Variants in PDS5B observed in about 807,000 individuals in gnomAD.
The protein encoded by PDS5B is sister chromatid cohesion protein PDS5 homolog B.
PDS5B carries 51 observed loss-of-function variants against 184.1 expected under a neutral mutation model. The ratio of observed to expected loss-of-function variants is 0.28; its 90% CI spans 0.22 to 0.35. PDS5B has a LOEUF of 0.35. Ranked by LOEUF, PDS5B falls within the 10% of genes least tolerant of loss-of-function variation. The pLI is 1.00. For synonymous variants in PDS5B, 566 were observed against 569.2 expected, an observed-to-expected ratio of 0.99 and a Z score of 0.08; for missense variants, 1,180 against 1,723.3, an observed-to-expected ratio of 0.68 and a Z score of 5.58.
intron 10 of PDS5B, among the ~76,000 whole-genome samples, chr13:32,681,172 T>G (rs1474681766): frequency 6.6e-6 from 1 of 152,226 alleles, no homozygotes; most frequent in Non-Finnish European, 1.5e-5. Context: ...TTCTACTCAC[T>G]GTTGTTACAG....
intron 3 of PDS5B, among the ~76,000 whole-genome samples, chr13:32,653,963 T>C (rs1182295837): frequency 6.6e-6 from 1 of 152,176 alleles, no homozygotes; most frequent in Admixed American, 6.5e-5. Context: ...TAACGAGAAA[T>C]TCTCCCTAAA....
chr13:32,733,910 C>A (rs1164241903), intron 20 of PDS5B, among the ~76,000 whole-genome samples: 1 of 151,930 alleles, frequency 6.6e-6, no homozygotes, highest in Non-Finnish European at 1.5e-5. Flanking sequence ...TGCACATACA[C>A]ACGCATATTT....
intron 18 of PDS5B, among the ~76,000 whole-genome samples, chr13:32,709,536 G>T (rs960545854): frequency 2.0e-5 from 3 of 151,968 alleles, no homozygotes. Flanking sequence ...TTTACTGTCT[G>T]GTCAGTCTAG....
chr13:32,642,352 G>A (rs556624292), intron 1 of PDS5B, among the ~76,000 whole-genome samples: 2 of 152,260 alleles, frequency 1.3e-5, no homozygotes, highest in East Asian at 1.9e-4. Context: ...TTCTTAAGGA[G>A]CTTACAGTCT....
At chr13:32,751,553 T>C (rs1014152761) in intron 24 of PDS5B, among the ~76,000 whole-genome samples, 4 of 152,258 alleles carry the variant, frequency 2.6e-5, no homozygotes, top group Admixed American at 2.0e-4. Context: ...ATGGCCGTTC[T>C]GACTGGTATG....
intron 7 of PDS5B, among the ~76,000 whole-genome samples, chr13:32,668,396 T>C (rs1308819653): frequency 6.6e-6 from 1 of 152,182 alleles, no homozygotes; most frequent in Non-Finnish European, 1.5e-5. Flanking sequence ...CCTTTCAGTA[T>C]CACCCCAAAT....
At position 32,730,424 on chromosome 13, in the gene PDS5B, T is replaced by A. The variant is rs373909963; in HGVS notation, c.2124-1677T>A. ...TTTTTGCTTAGGATTGTCTTGGCTA[T>A]ATGGGCTCTTTTTTGGTTCCATATG... On this transcript the variant is annotated intron_variant, in intron 19 of 34. Transcript: ENST00000315596. Among the ~76,000 whole-genome samples the A allele has an allele frequency of 1.6e-4, 24 of 152,354 alleles. No individual in the cohort carries two copies. In the South Asian group the frequency reaches 5.0e-3, roughly 32 times the overall value.
intron 2 of PDS5B, chr13:32,650,715 G>A (rs1950347062): frequency 6.6e-6 from 1 of 152,196 alleles, no homozygotes; most frequent in Admixed American, 6.5e-5. Flanking sequence ...TTAGTCTACT[G>A]TTGGTTCTGG....
At chr13:32,652,076 G>C in intron 3 of PDS5B, 69 bp downstream of exon 3, 1 of 1,031,320 alleles carries the variant, frequency 9.7e-7, no homozygotes, top group Non-Finnish European at 1.5e-6. Flanking sequence ...TAAAATGGGA[G>C]TTAAGGTATT....
In PDS5B at chr13:32,770,391, G is replaced by A. The variant is rs1240371272; in HGVS notation, c.3895G>A (p.Gly1299Arg). ...KRGRPPKPLG[G>R]GTPKEEPTMK... ...AGGCCGACCACCAAAACCTCTTGGT[G>A]GAGGTACACCAAAAGAAGAGCCAAC... The change falls in exon 32 of 35, where the codon GGA becomes AGA. Residue 1299 changes from glycine (G) to arginine (R), a missense_variant. Coordinates refer to ENST00000315596, the MANE Select transcript of PDS5B (RefSeq NM_015032.4). 1.2e-6 allele frequency: 2 copies of A among 1,613,268 alleles called. No homozygotes were observed. Among genetic ancestry groups the A allele is most frequent in the Admixed American group, 1.7e-5 (1 of 59,874 alleles).
In PDS5B at chr13:32,655,374, ATTTTTT is replaced by A. The variant is rs1228814649; in HGVS notation, c.313-2847_313-2842del. On this transcript the variant is annotated intron_variant, in intron 3 of 34. Transcript: ENST00000315596. ...TGTTCTTTGCCATATATATATATAT[ATTTTTT>A]TTTTTTTTTTTTTTTTTAGATGGAG... 2.3e-4 allele frequency among the ~76,000 whole-genome samples: 17 copies of A among 72,458 alleles called. No individual in the cohort carries two copies. In the South Asian group the frequency reaches 5.3e-3, roughly 23 times the overall value. The allele number at this position is 72,458 out of a possible 152,430, so 47.5% of individuals were successfully genotyped here.
At chr13:32,772,840 CCAGA>C (rs1353743242) in intron 33 of PDS5B, among the ~76,000 whole-genome samples, 1 of 152,004 alleles carries the variant, frequency 6.6e-6, no homozygotes, top group Admixed American at 6.6e-5. Context: ...ATCTATAAGG[CCAGA>C]CAAAGACAGG....
At chr13:32,604,853 A>T (rs545925423) in intron 1 of PDS5B, among the ~76,000 whole-genome samples, 1 of 152,060 alleles carries the variant, frequency 6.6e-6, no homozygotes, top group African/African-American at 2.4e-5. Flanking sequence ...TTTCTAGTTT[A>T]TTTGCATAGA....
chr13:32,698,085 G>A (rs904251224), intron 15 of PDS5B, among the ~76,000 whole-genome samples: 8 of 150,556 alleles, frequency 5.3e-5, no homozygotes, highest in Non-Finnish European at 1.5e-5. Flanking sequence ...CTTCCAGTGA[G>A]TTCAATATTT....
rs908282312 is a variant in PDS5B at position 32,749,695 on chromosome 13, T to A, written c.2736+3595T>A. 2.6e-5 allele frequency among the ~76,000 whole-genome samples: 4 copies of A among 152,156 alleles called. No homozygotes were observed. The East Asian group carries it at 7.7e-4, about 29-fold the overall frequency. ...CAATAATACAATGAGATACACAAAC[T>A]AATTACATGGTATTAATGGTAGTTT... On this transcript the variant is annotated intron_variant, in intron 24 of 34. Coordinates refer to ENST00000315596, the MANE Select transcript of PDS5B (RefSeq NM_015032.4).
intron 7 of PDS5B, among the ~76,000 whole-genome samples, chr13:32,670,773 C>T (rs1218282132): frequency 1.3e-5 from 2 of 152,084 alleles, no homozygotes; most frequent in Non-Finnish European, 2.9e-5. Context: ...ACATCCAATC[C>T]TTGTTGGAAT....
chr13:32,676,286 T>C (rs1951061472), intron 9 of PDS5B, among the ~76,000 whole-genome samples: 1 of 152,190 alleles, frequency 6.6e-6, no homozygotes, highest in Non-Finnish European at 1.5e-5. Context: ...TACAAATTAA[T>C]TACAATTAAT....
intron 18 of PDS5B, among the ~76,000 whole-genome samples, chr13:32,709,467 T>C (rs1015001151): frequency 6.6e-5 from 10 of 152,106 alleles, no homozygotes; most frequent in African/African-American, 2.4e-4. Flanking sequence ...ATTTTCTGTT[T>C]CATGATTATT....
At chr13:32,760,743 A>G (rs766157406) in intron 30 of PDS5B, 23 bp downstream of exon 30, 2 of 1,603,974 alleles carry the variant, frequency 1.2e-6, no homozygotes, top group Non-Finnish European at 1.7e-6. Context: ...GAAATGCCAC[A>G]ATTTACATTT....
Sources: gnomAD v4.1 joint callset for allele counts (sites outside exome capture counted in the v4.1 genomes callset) on GRCh38, gnomAD v4.1.1 for gene constraint, MANE v1.5 for transcripts, NCBI Gene and HGNC (gene_info 2026-07-23, HGNC 2026-07-21) for gene names.